PTPN21: variants seen among roughly 807,000 people sequenced by gnomAD.
PTPN21 encodes protein tyrosine phosphatase non-receptor type 21, also known as tyrosine-protein phosphatase non-receptor type 21.
PTPN21 carries 77 observed loss-of-function variants against 131.8 expected under a neutral mutation model. The ratio of observed to expected loss-of-function variants is 0.58; its 90% CI spans 0.49 to 0.71. The LOEUF is 0.71. Among genes scored for constraint, PTPN21 ranks in the 30% least tolerant of loss-of-function variants. The probability of loss-of-function intolerance (pLI) is 0.00; values close to 1 mark genes in which losing one functional copy is unlikely to be tolerated. For missense variants in PTPN21, 1,552 were observed against 1,527.1 expected (o/e 1.02, Z -0.27); for synonymous variants, 715 against 621.3 (o/e 1.15, Z -2.24).
chr14:88,501,379 AAAG>A lies in PTPN21; in HGVS notation c.588-14_588-12del, dbSNP rs2078004923. Reference sequence around the variant, plus strand: ...GGAGCTGTGAGCCCTCTGCAACCCAAAAGAAGCAAGATTGTTCACAAAGCAAGC... The same window carrying A: ...GGAGCTGTGAGCCCTCTGCAACCCAAAAGCAAGATTGTTCACAAAGCAAGC... On this transcript the variant is annotated splice_polypyrimidine_tract_variant and intron_variant, in intron 6 of 18. Coordinates refer to ENST00000556564, the MANE Select transcript of PTPN21 (RefSeq NM_007039.4). The A allele has an allele frequency of 6.2e-7, 1 of 1,609,080 alleles. No individual in the cohort carries two copies. Among genetic ancestry groups the A allele is most frequent in the Non-Finnish European group, 8.5e-7 (1 of 1,175,530 alleles).
At position 88,475,260 on chromosome 14, in the gene PTPN21, G is replaced by A. The variant is rs182667653; in HGVS notation, c.2512-1458C>T. Among the ~76,000 whole-genome samples the A allele has an allele frequency of 1.1e-3, 162 of 152,314 alleles. 2 individuals carry two copies. The East Asian group carries it at 0.023, about 22-fold the overall frequency. ...GGCCATGAAGCCCCATGATAATGGT[G>A]CAAGAACAGAGGGAAAAGGCAACTT... is the stretch of plus-strand genomic sequence containing the variant. On this transcript the variant is annotated intron_variant, in intron 13 of 18. Coordinates refer to ENST00000556564, the MANE Select transcript of PTPN21 (RefSeq NM_007039.4).
At chr14:88,517,751 ATAC>A (rs1340932727) in intron 2 of PTPN21, among the ~76,000 whole-genome samples, 1 of 125,438 alleles carries the variant, frequency 8.0e-6, no homozygotes, top group Admixed American at 8.1e-5. Context: ...ACGTGTGTAT[ATAC>A]TAGTGTATAT....
At chr14:88,528,676 C>T (rs2078514043) in intron 2 of PTPN21, among the ~76,000 whole-genome samples, 1 of 152,308 alleles carries the variant, frequency 6.6e-6, no homozygotes, top group African/African-American at 2.4e-5. Flanking sequence ...AGTTTCCCTA[C>T]ACAAACTCTC....
intron 6 of PTPN21, 72 bp from the exon 7 acceptor site, chr14:88,501,440 AC>A: frequency 8.0e-7 from 1 of 1,255,960 alleles, no homozygotes; most frequent in Non-Finnish European, 1.2e-6. Flanking sequence ...TTTTCTTAAA[AC>A]CTATATGTCA....
chr14:88,518,255 A>ATATAT (rs1253232439), intron 2 of PTPN21, among the ~76,000 whole-genome samples: 1 of 18,666 alleles, frequency 5.4e-5, no homozygotes, highest in African/African-American at 2.2e-4. Context: ...AAAAAAAAAA[A>ATATAT]ATATATATAT....
chr14:88,550,649 C>T (rs45505193), intron 1 of PTPN21, 30 bp from the exon 2 acceptor site: 19,245 of 460,348 alleles, frequency 0.042, 552 homozygotes, highest in South Asian at 0.075. Flanking sequence ...GTTAGTTAAG[C>T]AAACGTAACG....
In PTPN21 at chr14:88,469,710, A is replaced by G. The variant is rs768984641; in HGVS notation, c.3024T>C (p.Phe1008=). The G allele has an allele frequency of 2.5e-6, 4 of 1,614,076 alleles. No homozygotes were observed. The highest frequency in any genetic ancestry group is 1.3e-5 in the African/African-American group (1 of 74,932). The change falls in exon 17 of 19, where the codon TTT becomes TTC. Residue 1008 remains phenylalanine (F), a synonymous_variant. Transcript: ENST00000556564. The surrounding 1 kb of genome is among the most constrained non-coding windows in gnomAD (Gnocchi z 4.3). ...AEEEGGREKS[F]RYWPRLGSRH... is the part of the protein sequence containing the mutation. ...TGGAACCAAGTCGTGGCCAGTACCT[A>G]AAGCTCTTCTCCCTTCCACCCTCCT...
At chr14:88,489,293 G>T (rs1307434712) in intron 10 of PTPN21, among the ~76,000 whole-genome samples, 1 of 152,106 alleles carries the variant, frequency 6.6e-6, no homozygotes, top group African/African-American at 2.4e-5. Context: ...TTTCTTATAC[G>T]ATGTAAGGGA....
In PTPN21 at chr14:88,505,583, TAAATAAAAA is replaced by T. The variant is rs373465313; in HGVS notation, c.449-221_449-213del. ...TTGGCTTGGAAAAATGCCTATGAAT[TAAATAAAAA>T]AACAAGTTGCAAGCTCTATGTAATA... On this transcript the variant is annotated intron_variant, in intron 4 of 18. Transcript: ENST00000556564. Among the ~76,000 whole-genome samples the T allele has an allele frequency of 1.2e-3, 176 of 152,236 alleles. 4 individuals are homozygous for T. The highest frequency in any genetic ancestry group is 4.0e-3 in the African/African-American group (166 of 41,556).
At chr14:88,483,968 T>C (rs1010307637) in intron 12 of PTPN21, among the ~76,000 whole-genome samples, 1 of 151,232 alleles carries the variant, frequency 6.6e-6, no homozygotes, top group African/African-American at 2.4e-5. Context: ...GACCCCATTC[T>C]CCACGAAAAA....
intron 2 of PTPN21, among the ~76,000 whole-genome samples, chr14:88,531,377 T>C (rs925380593): frequency 7.2e-5 from 11 of 152,062 alleles, no homozygotes; most frequent in Non-Finnish European, 1.5e-4. Context: ...GCCAACATAG[T>C]GAAACCCCAT....
Position 88,494,795 on chromosome 14 carries a change from C to T in PTPN21, c.932+1618G>A, listed in dbSNP as rs535655847. Among the ~76,000 whole-genome samples the T allele has an allele frequency of 2.0e-4, 30 of 152,002 alleles. No individual in the cohort carries two copies. In the South Asian group the frequency reaches 6.0e-3, roughly 31 times the overall value. On this transcript the variant is annotated intron_variant, in intron 10 of 18. Coordinates refer to ENST00000556564, the MANE Select transcript of PTPN21 (RefSeq NM_007039.4). ...TTGGGAGGCTGAGGCAGGTGGATCA[C>T]GAGGTCAGGAGATCAAGACCATCCT...
intron 10 of PTPN21, among the ~76,000 whole-genome samples, chr14:88,489,058 G>T (rs1453059961): frequency 1.3e-5 from 2 of 152,082 alleles, no homozygotes; most frequent in Admixed American, 6.5e-5. Flanking sequence ...GAACCAGCAG[G>T]TCTGTCAGAT....
chr14:88,554,352 G>A (rs544829467), intron 1 of PTPN21, among the ~76,000 whole-genome samples: 2 of 152,324 alleles, frequency 1.3e-5, no homozygotes, highest in South Asian at 4.1e-4. Context: ...TATATTCTGA[G>A]AGGCACAAAT....
In PTPN21 at chr14:88,479,795, G is replaced by A; in HGVS notation, c.1636C>T (p.Gln546Ter). The change falls in exon 13 of 19, where the codon CAG becomes TAG. Residue 546 changes from glutamine to a stop codon, truncating the protein, a stop_gained. Coordinates refer to ENST00000556564, the MANE Select transcript of PTPN21 (RefSeq NM_007039.4). LOFTEE classifies it high-confidence loss of function. ...GACGGGTAGTCCTGCGCCTGCAGCT[G>A]CGCATTGGTCAGCTCCGGCACGCTG... Reference protein sequence around the residue: ...AVSVPELTNAQLQAQDYPSPN... With the variant: ...AVSVPELTNA 1 of 1,545,300 alleles carries A rather than the reference G, an allele frequency of 6.5e-7. No homozygotes were observed. Among genetic ancestry groups the A allele is most frequent in the Non-Finnish European group, 8.7e-7 (1 of 1,151,996 alleles).
intron 2 of PTPN21, among the ~76,000 whole-genome samples, chr14:88,531,138 C>T (rs945937716): frequency 1.6e-4 from 24 of 152,064 alleles, no homozygotes; most frequent in African/African-American, 5.8e-4. Flanking sequence ...CAAAAGTAAC[C>T]CTCAAAACTA....
chr14:88,469,249 C>T lies in PTPN21; in HGVS notation c.3236-173G>A, dbSNP rs1294598068. Among the ~76,000 whole-genome samples, 1 of 152,162 alleles carries T rather than the reference C, an allele frequency of 6.6e-6. No homozygotes were observed. The highest frequency in any genetic ancestry group is 1.5e-5 in the Non-Finnish European group (1 of 68,024). On this transcript the variant is annotated intron_variant, in intron 17 of 18. Transcript: ENST00000556564. The surrounding 1 kb of genome is among the most constrained non-coding windows in gnomAD (Gnocchi z 4.3). ...AGTGTGACCCTGAGCAAGTCACTAC[C>T]TCTGTCCACTTTCTGATCTACAAAA... is the stretch of plus-strand genomic sequence containing the variant.
At chr14:88,532,145 G>C (rs1336080652) in intron 2 of PTPN21, among the ~76,000 whole-genome samples, 1 of 150,376 alleles carries the variant, frequency 6.6e-6, no homozygotes, top group South Asian at 2.1e-4. Context: ...AACAAGTCCA[G>C]GACCAGATGG....
At chr14:88,468,331 C>T in intron 18 of PTPN21, 66 bp from the exon 19 acceptor site, 1 of 1,445,054 alleles carries the variant, frequency 6.9e-7, no homozygotes, top group Non-Finnish European at 9.3e-7. Context: ...GATGGGAGGA[C>T]ACGAGTGTCC....
Sources: allele counts gnomAD v4.1 joint callset (sites outside exome capture counted in the v4.1 genomes callset), GRCh38; gene constraint gnomAD v4.1.1; non-coding constraint Gnocchi (gnomAD v3.1); transcripts MANE v1.5; gene names NCBI Gene and HGNC (gene_info 2026-07-23, HGNC 2026-07-21).